Variants in MTA1 observed in about 807,000 individuals in gnomAD.
The protein encoded by MTA1 is metastasis associated 1.
Under a neutral mutation model 97.0 loss-of-function variants are expected in MTA1, and 15 were observed. That is an observed-to-expected ratio of 0.15 (90% confidence interval 0.10 to 0.24). MTA1 has a LOEUF of 0.24. MTA1 is among the 10% of genes least tolerant of loss of function. The pLI is 1.00. For missense variants in MTA1, 709 were observed against 1,015.1 expected, an observed-to-expected ratio of 0.70 and a Z score of 4.10; for synonymous variants, 435 against 417.5, an observed-to-expected ratio of 1.04 and a Z score of -0.51.
chr14:105,449,068 C>T (rs782515009), intron 3 of MTA1: 7 of 415,980 alleles, frequency 1.7e-5, no homozygotes, highest in Admixed American at 4.3e-5. Flanking sequence ...TTCTGGGAAG[C>T]CCCAGTGGAG....
intron 10 of MTA1, 78 bp downstream of exon 10, chr14:105,461,031 AT>A: frequency 6.9e-7 from 1 of 1,443,826 alleles, no homozygotes; most frequent in Non-Finnish European, 9.5e-7. Context: ...TGGGCTCCAC[AT>A]CCCACTCTGC....
At position 105,460,854 on chromosome 14, in the gene MTA1, C is replaced by T; in HGVS notation, c.843C>T (p.Cys281=). 1 of 1,612,878 alleles carries T rather than the reference C, an allele frequency of 6.2e-7. No individual in the cohort carries two copies. Among genetic ancestry groups the T allele is most frequent in the South Asian group, 1.1e-5 (1 of 91,012 alleles). The change falls in exon 10 of 21, where the codon TGC becomes TGT. Residue 281 remains cysteine, a synonymous_variant. Coordinates refer to ENST00000331320, the MANE Select transcript of MTA1 (RefSeq NM_004689.4). The stretch of plus-strand genomic sequence containing the variant: ...TGCCGCAGGGCGGGCCCGTGCTCTG[C>T]AGGGACGAGATGGAGGAGTGGTCTG... ...ALVPQGGPVL[C]RDEMEEWSAS...
chr14:105,443,094 C>A (rs782718816), intron 2 of MTA1, among the ~76,000 whole-genome samples: 1 of 152,196 alleles, frequency 6.6e-6, no homozygotes, highest in Non-Finnish European at 1.5e-5. Context: ...GATGTAACCC[C>A]ACTGCGGTGG....
At chr14:105,434,600 G>A (rs587602445) in intron 1 of MTA1, among the ~76,000 whole-genome samples, 3 of 151,676 alleles carry the variant, frequency 2.0e-5, no homozygotes, top group African/African-American at 7.3e-5. Context: ...CCGGGTTCAA[G>A]CGATTGTCCT....
chr14:105,446,977 G>A (rs2082738330), intron 3 of MTA1, among the ~76,000 whole-genome samples: 2 of 152,234 alleles, frequency 1.3e-5, no homozygotes, highest in Admixed American at 1.3e-4. Flanking sequence ...CTCCACTGCT[G>A]CACTCGGCGG....
At chr14:105,421,096 C>G (rs1237807941) in intron 1 of MTA1, among the ~76,000 whole-genome samples, 1 of 150,392 alleles carries the variant, frequency 6.6e-6, no homozygotes, top group South Asian at 2.1e-4. Context: ...GCCGGCCAGT[C>G]CTGTGACCTT....
chr14:105,441,561 G>C (rs6576096), intron 2 of MTA1, among the ~76,000 whole-genome samples: 150,103 of 152,312 alleles, frequency 0.99, 73,994 homozygotes, highest in East Asian at 1. Context: ...TTGAGAGGCC[G>C]AGGCGGGCGG....
In MTA1 at chr14:105,420,638, T is replaced by TC. The variant is rs1425769502; in HGVS notation, c.28+581dup. Among the ~76,000 whole-genome samples, 3 of 152,002 alleles carry TC rather than the reference T, an allele frequency of 2.0e-5. No homozygotes were observed. The highest frequency in any genetic ancestry group is 6.5e-5 in the Admixed American group (1 of 15,278). ...CGAGCATCCCGAGCACGCCTCTAAG[T>TC]CCCCCCAAACTTTTCCCTGCCTCTC... On this transcript the variant is annotated intron_variant, in intron 1 of 20. Coordinates refer to ENST00000331320, the MANE Select transcript of MTA1 (RefSeq NM_004689.4). This position sits in a 1 kb window ranked among gnomAD's most constrained non-coding sequence, Gnocchi z 5.3.
chr14:105,435,612 C>A (rs1211475732), intron 1 of MTA1, among the ~76,000 whole-genome samples: 2 of 152,174 alleles, frequency 1.3e-5, no homozygotes, highest in Non-Finnish European at 2.9e-5. Context: ...CCCTCCTTTT[C>A]TGTTTTCTGG....
rs782109675 is a variant in MTA1, at chr14:105,464,059, C to A, written c.1104C>A (p.Ser368Arg). Residue 368 changes from serine to arginine, a missense_variant, in exon 13 of 21, where the codon AGC (serine) becomes AGA (arginine). Ser to Arg is a moderately radical substitution (Grantham distance 110). Around this residue, in one of 2 missense-constraint regions of MTA1, gnomAD observed 321 missense variants for 593.5 expected, o/e 0.54. Transcript: ENST00000331320. ...ACAAGCCAAATCCGAACCAAATCAG[C>A]GTCAACAACGTCAAGGCCGGTGTGG... ...NYNKPNPNQI[S>R]VNNVKAGVVN... The A allele has an allele frequency of 3.1e-6, 5 of 1,612,552 alleles. No individual in the cohort carries two copies. The highest frequency in any genetic ancestry group is 4.2e-6 in the Non-Finnish European group (5 of 1,179,816).
chr14:105,451,869 C>T (rs2082955522), intron 6 of MTA1, among the ~76,000 whole-genome samples: 2 of 148,954 alleles, frequency 1.3e-5, no homozygotes, highest in Non-Finnish European at 3.0e-5. Context: ...CAGCTCACTG[C>T]AACCTCCGCC....
In MTA1 at chr14:105,423,323, G is replaced by T. The variant is rs1311019524; in HGVS notation, c.28+3260G>T. ...CAACCTCCGCCTCCCCGGCCCAAGCGATTTCCTGCCTCAGCCTCCCAAGTA... is the reference window on the plus strand; with the variant it reads ...CAACCTCCGCCTCCCCGGCCCAAGCTATTTCCTGCCTCAGCCTCCCAAGTA... On this transcript the variant is annotated intron_variant, in intron 1 of 20. Coordinates refer to ENST00000331320, the MANE Select transcript of MTA1 (RefSeq NM_004689.4). Among the ~76,000 whole-genome samples, 5 of 150,042 alleles carry T rather than the reference G, an allele frequency of 3.3e-5. No homozygotes were observed. In the East Asian group the frequency reaches 9.8e-4, roughly 30 times the overall value.
intron 7 of MTA1, among the ~76,000 whole-genome samples, chr14:105,457,754 C>T (rs1456277896): frequency 5.9e-5 from 9 of 152,062 alleles, no homozygotes; most frequent in African/African-American, 1.7e-4. Flanking sequence ...GGTGAAACCC[C>T]GTGTCTACTG....
At chr14:105,448,797 A>G (rs1282918840) in intron 3 of MTA1, among the ~76,000 whole-genome samples, 2 of 152,216 alleles carry the variant, frequency 1.3e-5, no homozygotes, top group African/African-American at 2.4e-5. Flanking sequence ...TCCTGCAGGC[A>G]CCACAAGGGG....
chr14:105,458,046 G>A (rs1414902988), intron 7 of MTA1, among the ~76,000 whole-genome samples: 1 of 151,996 alleles, frequency 6.6e-6, no homozygotes, highest in Non-Finnish European at 1.5e-5. Context: ...ATTCTGGGTG[G>A]GCTGGGAGGC....
At chr14:105,460,572 A>C in intron 9 of MTA1, 115 bp downstream of exon 9, 1 of 1,231,886 alleles carries the variant, frequency 8.1e-7, no homozygotes, top group East Asian at 2.6e-5. Context: ...GGACCCCTGC[A>C]GAGGTGCTGT....
intron 7 of MTA1, among the ~76,000 whole-genome samples, chr14:105,456,223 A>G (rs2083147595): frequency 6.6e-6 from 1 of 152,210 alleles, no homozygotes; most frequent in Admixed American, 6.5e-5. Context: ...TGGCTGGGAG[A>G]CAGGTGAGAA....
At chr14:105,451,160 G>C (rs74092370) in intron 6 of MTA1, among the ~76,000 whole-genome samples, 1,996 of 152,342 alleles carry the variant, frequency 0.013, 40 homozygotes, top group African/African-American at 0.042. Context: ...TCCCAGGGGG[G>C]CTCATCTCTG....
chr14:105,423,696 T>G lies in MTA1; in HGVS notation c.28+3633T>G, dbSNP rs1262548825. Among the ~76,000 whole-genome samples the G allele has an allele frequency of 2.6e-5, 4 of 152,278 alleles. No individual in the cohort carries two copies. The East Asian group carries it at 7.7e-4, about 29-fold the overall frequency. On this transcript the variant is annotated intron_variant, in intron 1 of 20. Transcript: ENST00000331320. ...AAGCACCCTGTCCGTGCTGCTGGTC[T>G]TCACTGGGCTTGGCATGTGCCATCA...
Sources: allele counts gnomAD v4.1 joint callset (sites outside exome capture counted in the v4.1 genomes callset), GRCh38; gene constraint gnomAD v4.1.1; regional missense constraint gnomAD v4.1.1; non-coding constraint Gnocchi (gnomAD v3.1); transcripts MANE v1.5; gene names NCBI Gene and HGNC (gene_info 2026-07-23, HGNC 2026-07-21).